NRXN1: variants seen among roughly 807,000 people sequenced by gnomAD.
NRXN1 encodes neurexin 1.
A neutral mutation model predicts 150.9 loss-of-function variants in NRXN1; 39 were observed. The ratio of observed to expected loss-of-function variants is 0.26; its 90% confidence interval spans 0.20 to 0.34. The LOEUF (loss-of-function observed/expected upper bound fraction) is 0.34. NRXN1 is among the 10% of genes least tolerant of loss of function. The pLI is 1.00. For missense variants in NRXN1, 1,815 were observed against 1,949.9 expected, an observed-to-expected ratio of 0.93 and a Z score of 1.30; for synonymous variants, 924 against 757.0, an observed-to-expected ratio of 1.22 and a Z score of -3.62.
chr2:50,896,160 T>C (rs1681914679), intron 5 of NRXN1, among the ~76,000 whole-genome samples: 1 of 152,194 alleles, frequency 6.6e-6, no homozygotes, highest in Admixed American at 6.5e-5. Context: ...GAGAATTGCA[T>C]ATCAATGTTT....
At chr2:50,972,504 T>C (rs1695170122) in intron 2 of NRXN1, among the ~76,000 whole-genome samples, 1 of 152,010 alleles carries the variant, frequency 6.6e-6, no homozygotes, top group South Asian at 2.1e-4. Context: ...AGGGGGGTGG[T>C]TTCAGGATGA....
At chr2:50,423,894 G>A (rs1015344865) in intron 17 of NRXN1, among the ~76,000 whole-genome samples, 1 of 152,110 alleles carries the variant, frequency 6.6e-6, no homozygotes, top group African/African-American at 2.4e-5. Flanking sequence ...GTAATCGCTG[G>A]TATCTGCCAT....
At chr2:50,965,214 A>G (rs964116264) in intron 2 of NRXN1, among the ~76,000 whole-genome samples, 2 of 151,450 alleles carry the variant, frequency 1.3e-5, no homozygotes, top group Non-Finnish European at 3.0e-5. Context: ...GATGCAATAC[A>G]TAACTATTTG....
chr2:50,068,314 C>A (rs1695679735), intron 19 of NRXN1, among the ~76,000 whole-genome samples: 1 of 152,158 alleles, frequency 6.6e-6, no homozygotes, highest in East Asian at 1.9e-4. Context: ...AAATGTAAAA[C>A]CACTGAAGTA....
At chr2:51,020,368 T>C (rs1377164423) in intron 2 of NRXN1, among the ~76,000 whole-genome samples, 1 of 151,998 alleles carries the variant, frequency 6.6e-6, no homozygotes, top group Non-Finnish European at 1.5e-5. Flanking sequence ...AACAATGTCC[T>C]CTTTACTTAG....
rs1442397211 is a variant in NRXN1, at chr2:50,285,578, T to C, written c.3365-48608A>G. ...TCCACACAGTGGTCCTGACCAAGAA[T>C]CATTTTTTTTCCCTCACTAATGTTA... On this transcript the variant is annotated intron_variant, in intron 17 of 22. Coordinates refer to ENST00000401669, the MANE Select transcript of NRXN1 (RefSeq NM_001330078.2). 2.6e-5 allele frequency among the ~76,000 whole-genome samples: 4 copies of C among 152,192 alleles called. No individual in the cohort carries two copies. The East Asian group carries it at 7.7e-4, about 29-fold the overall frequency.
intron 17 of NRXN1, among the ~76,000 whole-genome samples, chr2:50,380,291 TGTGTGC>T (rs1435970055): frequency 6.6e-6 from 1 of 151,766 alleles, no homozygotes; most frequent in African/African-American, 2.4e-5. Flanking sequence ...TGTGTGTGTG[TGTGTGC>T]GTGTGTGTGT....
chr2:50,583,866 T>G (rs1364707538), intron 8 of NRXN1, among the ~76,000 whole-genome samples: 2 of 152,156 alleles, frequency 1.3e-5, no homozygotes, highest in Non-Finnish European at 2.9e-5. Flanking sequence ...AACATAAAAT[T>G]ATTACAAGTA....
chr2:49,947,944 A>G (rs1249281825), intron 21 of NRXN1, among the ~76,000 whole-genome samples: 3 of 152,008 alleles, frequency 2.0e-5, no homozygotes, highest in Non-Finnish European at 1.5e-5. Context: ...TACCAATTTA[A>G]TTTTTGCACT....
At chr2:50,517,030 A>T (rs1573360637) in intron 12 of NRXN1, among the ~76,000 whole-genome samples, 1 of 152,176 alleles carries the variant, frequency 6.6e-6, no homozygotes, top group Admixed American at 6.5e-5. Context: ...GTTGAGTTTT[A>T]TCCTGGTTCT....
intron 2 of NRXN1, among the ~76,000 whole-genome samples, chr2:50,963,314 C>T (rs1034710716): frequency 1.3e-5 from 2 of 151,382 alleles, no homozygotes; most frequent in Admixed American, 6.6e-5. Context: ...CAGCTGTCTA[C>T]CTTCTCTCCT....
intron 18 of NRXN1, among the ~76,000 whole-genome samples, chr2:50,124,155 T>C (rs936690375): frequency 1.3e-5 from 2 of 152,146 alleles, no homozygotes; most frequent in Admixed American, 6.5e-5. Flanking sequence ...AGAAGTCAAG[T>C]GAACAAGTGT....
intron 17 of NRXN1, among the ~76,000 whole-genome samples, chr2:50,404,160 T>C (rs1572847068): frequency 6.8e-6 from 1 of 146,774 alleles, no homozygotes; most frequent in South Asian, 2.1e-4. Context: ...TTTAGTTTTT[T>C]TTTGTTTGTT....
intron 5 of NRXN1, among the ~76,000 whole-genome samples, chr2:50,667,517 G>A (rs1688238364): frequency 6.6e-6 from 1 of 151,890 alleles, no homozygotes. Context: ...AAGCTATGTT[G>A]TTAATTTATA....
chr2:50,741,373 G>T (rs1699404582), intron 5 of NRXN1, among the ~76,000 whole-genome samples: 1 of 152,054 alleles, frequency 6.6e-6, no homozygotes, highest in Non-Finnish European at 1.5e-5. Context: ...CTTTGCCATG[G>T]ATATATTTTT....
intron 5 of NRXN1, among the ~76,000 whole-genome samples, chr2:50,812,748 ATG>A (rs1491294358): frequency 7.1e-6 from 1 of 141,418 alleles, no homozygotes; most frequent in Non-Finnish European, 1.6e-5. Context: ...GTGTGAGCGC[ATG>A]TGTGTGTGTG....
At chr2:49,959,516 T>C (rs1675543250) in intron 21 of NRXN1, among the ~76,000 whole-genome samples, 1 of 152,136 alleles carries the variant, frequency 6.6e-6, no homozygotes, top group Non-Finnish European at 1.5e-5. Flanking sequence ...CTGGTACAGG[T>C]TATGGGATCT....
At chr2:50,112,295 A>G (rs1017488208) in intron 18 of NRXN1, among the ~76,000 whole-genome samples, 1 of 152,104 alleles carries the variant, frequency 6.6e-6, no homozygotes, top group African/African-American at 2.4e-5. Flanking sequence ...GGTCCTTATT[A>G]CCCCTGCTAC....
chr2:50,858,902 G>A (rs1675669157), intron 5 of NRXN1, among the ~76,000 whole-genome samples: 1 of 152,038 alleles, frequency 6.6e-6, no homozygotes, highest in African/African-American at 2.4e-5. Flanking sequence ...CAATTTTTCT[G>A]AGATGAAACT....
Sources: gnomAD v4.1 joint callset for allele counts (sites outside exome capture counted in the v4.1 genomes callset) on GRCh38, gnomAD v4.1.1 for gene constraint, MANE v1.5 for transcripts, NCBI Gene and HGNC (gene_info 2026-07-23, HGNC 2026-07-21) for gene names.